PAPOLA: variants seen among roughly 807,000 people sequenced by gnomAD.
PAPOLA encodes poly(A) polymerase alpha.
In PAPOLA, 15 loss-of-function variants were observed where a neutral mutation model predicts 100.6. The ratio of observed to expected loss-of-function variants is 0.15; its 90% CI spans 0.10 to 0.23. The LOEUF is 0.23. Among genes scored for constraint, PAPOLA ranks in the 10% least tolerant of loss-of-function variants. PAPOLA has a pLI of 1.00. For synonymous variants in PAPOLA, 293 were observed against 300.0 expected (o/e 0.98, Z 0.24); for missense variants, 533 against 884.2 (o/e 0.60, Z 5.04).
intron 9 of PAPOLA, chr14:96,533,546 CTTTTTTTTTTT>C (rs1172413058): frequency 1.6e-5 from 10 of 640,158 alleles, no homozygotes; most frequent in African/African-American, 2.8e-5. Context: ...GTCAGAATTT[CTTTTTTTTTTT>C]TTTTTTTTTT....
chr14:96,564,885 A>G lies in PAPOLA; in HGVS notation c.2143-70A>G, dbSNP rs558633256. 5.9e-5 allele frequency: 49 copies of G among 824,696 alleles called. No individual in the cohort carries two copies. The African/African-American group carries it at 6.2e-4, about 10-fold the overall frequency. 51.1% of individuals were successfully genotyped at this position (824,696 alleles called of 1,614,324 possible). On this transcript the variant is annotated intron_variant, in intron 21 of 21. Transcript: ENST00000216277. The stretch of plus-strand genomic sequence containing the variant: ...AGAAGGTTTCTTAGGAAGTAAAGCA[A>G]TGGAAAATACATCTCATTGTTAAAT...
chr14:96,556,075 T>C, intron 18 of PAPOLA, 100 bp from the exon 19 acceptor site: 3 of 1,205,750 alleles, frequency 2.5e-6, no homozygotes, highest in Non-Finnish European at 3.6e-6. Context: ...TTTTTGCATG[T>C]AAAGTTATTC....
At chr14:96,514,243 G>A (rs539307247) in intron 1 of PAPOLA, among the ~76,000 whole-genome samples, 16 of 149,366 alleles carry the variant, frequency 1.1e-4, no homozygotes, top group African/African-American at 3.0e-4. Context: ...CTGGGATCTC[G>A]GCTCACTGCA....
chr14:96,534,224 A>C (rs775370271), intron 9 of PAPOLA: 3 of 1,260,184 alleles, frequency 2.4e-6, no homozygotes, highest in Non-Finnish European at 3.0e-6. Flanking sequence ...GTACTTCTTT[A>C]TTTAAATAGT....
At chr14:96,507,043 C>A (rs1896762934) in intron 1 of PAPOLA, among the ~76,000 whole-genome samples, 1 of 152,208 alleles carries the variant, frequency 6.6e-6, no homozygotes, top group African/African-American at 2.4e-5. Context: ...TTTGAGCTTA[C>A]AAGTTCAAGA....
intron 1 of PAPOLA, among the ~76,000 whole-genome samples, chr14:96,507,725 A>G (rs568078433): frequency 6.6e-5 from 10 of 152,344 alleles, no homozygotes; most frequent in Non-Finnish European, 1.2e-4. Flanking sequence ...GGAGTGCTCA[A>G]TACATTTTAA....
intron 9 of PAPOLA, chr14:96,532,969 T>G (rs1316151658): frequency 2.9e-6 from 3 of 1,032,032 alleles, no homozygotes; most frequent in Non-Finnish European, 3.5e-6. Context: ...TGGATAAAAC[T>G]TGTACACACT....
chr14:96,565,364 G>A lies in PAPOLA; in HGVS notation c.*314G>A, dbSNP rs112732269. On this transcript the variant is annotated 3_prime_UTR_variant, in exon 22 of 22. Coordinates refer to ENST00000216277, the MANE Select transcript of PAPOLA (RefSeq NM_032632.5). ...GGATTGGGTTTATGTTTGATGCATT[G>A]TTTGGAAAATTTGCAATACAAACTG... is the stretch of plus-strand genomic sequence containing the variant. The A allele has an allele frequency of 4.0e-5, 12 of 300,132 alleles. 2 individuals carry two copies. Among genetic ancestry groups the A allele is most frequent in the African/African-American group, 2.1e-4 (10 of 46,852 alleles). 18.6% of individuals were successfully genotyped at this position (300,132 alleles called of 1,614,324 possible).
At chr14:96,507,092 G>T (rs1419990712) in intron 1 of PAPOLA, among the ~76,000 whole-genome samples, 1 of 152,058 alleles carries the variant, frequency 6.6e-6, no homozygotes. Flanking sequence ...AAAACAAAAA[G>T]AAACAGTTAT....
chr14:96,510,419 CTTT>C (rs766854463), intron 1 of PAPOLA, among the ~76,000 whole-genome samples: 2 of 125,976 alleles, frequency 1.6e-5, no homozygotes, highest in Non-Finnish European at 1.7e-5. Context: ...TACAATTTGG[CTTT>C]TTTTTTTTTT....
At chr14:96,512,392 A>G (rs888836289) in intron 1 of PAPOLA, among the ~76,000 whole-genome samples, 1 of 152,282 alleles carries the variant, frequency 6.6e-6, no homozygotes, top group Non-Finnish European at 1.5e-5. Context: ...AAAAATATAT[A>G]TCTTTATCTA....
Position 96,542,202 on chromosome 14 carries a change from G to T in PAPOLA, c.1116-41G>T, listed in dbSNP as rs202242203. The T allele has an allele frequency of 7.2e-6, 9 of 1,248,902 alleles. No individual in the cohort carries two copies. In the South Asian group the frequency reaches 8.6e-5, roughly 12 times the overall value. 77.4% of individuals were successfully genotyped at this position (1,248,902 alleles called of 1,614,324 possible). A position where few individuals can be genotyped will look rare whatever the true frequency, so the allele number is the denominator to read the frequency against. ...TATGGTTTAATATCCAGCACAAAGC[G>T]TGTAAATAAAATAAATAGCATGTTG... On this transcript the variant is annotated intron_variant, in intron 12 of 21. Transcript: ENST00000216277.
At position 96,532,316 on chromosome 14, in the gene PAPOLA, A is replaced by G; in HGVS notation, c.608-15A>G. ...TGTGTGTGTGTGTGTGTTTTTTTTT[A>G]CCCCTATTAATTAGGTTGCAGGGTA... On this transcript the variant is annotated splice_polypyrimidine_tract_variant and intron_variant, in intron 7 of 21. Coordinates refer to ENST00000216277, the MANE Select transcript of PAPOLA (RefSeq NM_032632.5). The G allele has an allele frequency of 6.4e-7, 1 of 1,572,768 alleles. No individual in the cohort carries two copies. Among genetic ancestry groups the G allele is most frequent in the Non-Finnish European group, 8.6e-7 (1 of 1,165,722 alleles).
chr14:96,546,136 T>G (rs1280481013), intron 15 of PAPOLA, among the ~76,000 whole-genome samples: 1 of 152,130 alleles, frequency 6.6e-6, no homozygotes, highest in Non-Finnish European at 1.5e-5. Flanking sequence ...TTCAAGTTAT[T>G]TTGGTTGTTC....
intron 6 of PAPOLA, among the ~76,000 whole-genome samples, chr14:96,529,838 C>T (rs1380436365): frequency 6.6e-6 from 1 of 152,192 alleles, no homozygotes; most frequent in Non-Finnish European, 1.5e-5. Flanking sequence ...CAAAGCTGTG[C>T]TGTTTCTTTG....
At chr14:96,560,968 G>A (rs1416806099) in intron 20 of PAPOLA, among the ~76,000 whole-genome samples, 1 of 152,142 alleles carries the variant, frequency 6.6e-6, no homozygotes, top group Non-Finnish European at 1.5e-5. Context: ...CAAAGAAAAA[G>A]TAATTGAGGG....
intron 3 of PAPOLA, among the ~76,000 whole-genome samples, chr14:96,524,935 T>G (rs1237948646): frequency 6.6e-6 from 1 of 152,214 alleles, no homozygotes; most frequent in Non-Finnish European, 1.5e-5. Context: ...CAGAATATGT[T>G]TTTATTATAC....
At chr14:96,520,917 A>G (rs1305311513) in intron 2 of PAPOLA, 89 bp from the exon 3 acceptor site, 2 of 737,186 alleles carry the variant, frequency 2.7e-6, no homozygotes, top group Non-Finnish European at 4.9e-6. Context: ...TTAAAAACTC[A>G]TAATTTAGGA....
chr14:96,552,651 A>G (rs754939382), intron 17 of PAPOLA, 29 bp downstream of exon 17: 4 of 1,597,452 alleles, frequency 2.5e-6, no homozygotes, highest in Non-Finnish European at 3.4e-6. Context: ...ATAGAAGTGG[A>G]GGGGCTGTTT....
Sources: allele counts gnomAD v4.1 joint callset (sites outside exome capture counted in the v4.1 genomes callset), GRCh38; gene constraint gnomAD v4.1.1; transcripts MANE v1.5; gene names NCBI Gene and HGNC (gene_info 2026-07-23, HGNC 2026-07-21).